MYO1D: variants seen among roughly 807,000 people sequenced by gnomAD.
MYO1D encodes unconventional myosin-Id.
MYO1D carries 83 observed loss-of-function variants against 122.0 expected under a neutral mutation model. That is an observed-to-expected ratio of 0.68 (90% CI 0.57 to 0.82). The LOEUF is 0.82. Ranked by LOEUF, MYO1D falls within the 40% of genes least tolerant of loss-of-function variation. The probability of loss-of-function intolerance (pLI) is 0.00; values close to 1 mark genes in which losing one functional copy is unlikely to be tolerated. For missense variants in MYO1D, 1,157 were observed against 1,269.5 expected (o/e 0.91, Z 1.35); for synonymous variants, 464 against 446.9 (o/e 1.04, Z -0.48).
chr17:32,874,608 C>A (rs1031049898), intron 1 of MYO1D, among the ~76,000 whole-genome samples: 1 of 152,098 alleles, frequency 6.6e-6, no homozygotes, highest in African/African-American at 2.4e-5. Context: ...TCCTAGAGTA[C>A]CTTGCACACA....
chr17:32,781,053 T>C (rs913644374), intron 1 of MYO1D, among the ~76,000 whole-genome samples: 29 of 152,186 alleles, frequency 1.9e-4, no homozygotes, highest in African/African-American at 6.7e-4. Flanking sequence ...GTTTCCAAAA[T>C]ACAGAAGGGT....
chr17:32,862,594 T>C (rs995054368), intron 1 of MYO1D, among the ~76,000 whole-genome samples: 4 of 152,236 alleles, frequency 2.6e-5, no homozygotes, highest in African/African-American at 9.6e-5. Flanking sequence ...ACAGTTTTTA[T>C]GGATAATCTG....
intron 21 of MYO1D, among the ~76,000 whole-genome samples, chr17:32,502,935 T>C (rs1447519022): frequency 2.0e-5 from 3 of 152,160 alleles, no homozygotes; most frequent in Non-Finnish European, 4.4e-5. Flanking sequence ...ATATTTTTTT[T>C]CCCTCCCCAT....
intron 21 of MYO1D, among the ~76,000 whole-genome samples, chr17:32,593,583 G>A (rs886573129): frequency 2.0e-5 from 3 of 152,162 alleles, no homozygotes; most frequent in Non-Finnish European, 4.4e-5. Flanking sequence ...AGGTCTGTGT[G>A]TTTAATACAT....
At chr17:32,527,596 C>T (rs72813062) in intron 21 of MYO1D, among the ~76,000 whole-genome samples, 40,395 of 151,766 alleles carry the variant, frequency 0.27, 6,376 homozygotes, top group Admixed American at 0.35. Flanking sequence ...AGTTTCAGAC[C>T]GGCCTGGGCA....
intron 21 of MYO1D, among the ~76,000 whole-genome samples, chr17:32,600,600 C>T (rs1420047571): frequency 2.0e-5 from 3 of 152,190 alleles, no homozygotes; most frequent in African/African-American, 2.4e-5. Context: ...TCTCATGAAC[C>T]AACCTCTGTT....
At chr17:32,844,213 G>A (rs2090911682) in intron 1 of MYO1D, among the ~76,000 whole-genome samples, 1 of 146,748 alleles carries the variant, frequency 6.8e-6, no homozygotes, top group South Asian at 2.1e-4. Context: ...GTATTAGGCT[G>A]TTCTTAATAT....
intron 16 of MYO1D, among the ~76,000 whole-genome samples, chr17:32,698,012 T>C (rs535461621): frequency 6.6e-6 from 1 of 152,302 alleles, no homozygotes; most frequent in South Asian, 2.1e-4. Context: ...GCAGGCCTCT[T>C]AGGTTCAAAT....
At chr17:32,718,495 T>C (rs1273030762) in intron 15 of MYO1D, among the ~76,000 whole-genome samples, 1 of 151,982 alleles carries the variant, frequency 6.6e-6, no homozygotes, top group Admixed American at 6.6e-5. Context: ...GTCAGGAGGT[T>C]GAGACCAGCC....
intron 16 of MYO1D, among the ~76,000 whole-genome samples, chr17:32,679,103 GTTGT>G (rs1263843491): frequency 6.6e-6 from 1 of 152,028 alleles, no homozygotes; most frequent in Non-Finnish European, 1.5e-5. Context: ...TTTTGATGGG[GTTGT>G]TTGTGTTTTT....
At chr17:32,580,383 T>C (rs1249343623) in intron 21 of MYO1D, among the ~76,000 whole-genome samples, 2 of 146,132 alleles carry the variant, frequency 1.4e-5, no homozygotes, top group Non-Finnish European at 3.0e-5. Flanking sequence ...GATTGTTTTT[T>C]TTTTTCAGTT....
chr17:32,744,312 T>C (rs1197642916), intron 13 of MYO1D, among the ~76,000 whole-genome samples: 1 of 152,218 alleles, frequency 6.6e-6, no homozygotes, highest in Non-Finnish European at 1.5e-5. Flanking sequence ...ATAAGAGGCC[T>C]TTTCTGACTA....
chr17:32,801,044 A>G (rs1356382067), intron 1 of MYO1D, among the ~76,000 whole-genome samples: 1 of 152,212 alleles, frequency 6.6e-6, no homozygotes, highest in Non-Finnish European at 1.5e-5. Flanking sequence ...AACAAGAAAA[A>G]AAGGAAAGTG....
At chr17:32,780,493 T>C in intron 2 of MYO1D, 83 bp downstream of exon 2, 1 of 1,403,660 alleles carries the variant, frequency 7.1e-7, no homozygotes, top group Non-Finnish European at 9.9e-7. Flanking sequence ...AAAAAAATAT[T>C]TAATCAATTG....
chr17:32,532,772 C>T (rs1031244919), intron 21 of MYO1D, among the ~76,000 whole-genome samples: 1 of 150,820 alleles, frequency 6.6e-6, no homozygotes. Flanking sequence ...CTGATATGCT[C>T]ATTTTACCAC....
intron 11 of MYO1D, among the ~76,000 whole-genome samples, chr17:32,752,248 CCT>C (rs1185762794): frequency 6.6e-6 from 1 of 152,116 alleles, no homozygotes; most frequent in Non-Finnish European, 1.5e-5. Context: ...AAATTGGACC[CCT>C]GTCTCTCACC....
At chr17:32,560,202 C>A (rs113142132) in intron 21 of MYO1D, among the ~76,000 whole-genome samples, 1 of 152,008 alleles carries the variant, frequency 6.6e-6, no homozygotes, top group Non-Finnish European at 1.5e-5. Flanking sequence ...TTGCAGTGAG[C>A]CGAGATTGCA....
At chr17:32,788,528 G>A (rs957996705) in intron 1 of MYO1D, among the ~76,000 whole-genome samples, 9 of 151,736 alleles carry the variant, frequency 5.9e-5, no homozygotes, top group African/African-American at 2.2e-4. Context: ...TACTGAATAG[G>A]GTGTCTTTTC....
rs184610863 is a variant in MYO1D, at chr17:32,651,242, G to A, written c.2595+2601C>T. Reference sequence around the variant, plus strand: ...ACTTGCAACCCTGTGTGAGTACTGGGCATTGTTGCCTATAATCCTTTTGGG... The same window carrying A: ...ACTTGCAACCCTGTGTGAGTACTGGACATTGTTGCCTATAATCCTTTTGGG... On this transcript the variant is annotated intron_variant, in intron 19 of 21. Coordinates refer to ENST00000318217, the MANE Select transcript of MYO1D (RefSeq NM_015194.3). 5.6e-4 allele frequency among the ~76,000 whole-genome samples: 86 copies of A among 152,288 alleles called. 1 individual carries two copies. Among genetic ancestry groups the A allele is most frequent in the African/African-American group, 2.0e-3 (82 of 41,554 alleles).
Sources: allele counts gnomAD v4.1 joint callset (sites outside exome capture counted in the v4.1 genomes callset), GRCh38; gene constraint gnomAD v4.1.1; transcripts MANE v1.5; gene names NCBI Gene and HGNC (gene_info 2026-07-23, HGNC 2026-07-21).